The following DGKG variants were observed in gnomAD, a reference collection of about 807,000 sequenced individuals.
DGKG encodes diacylglycerol kinase gamma.
A neutral mutation model predicts 105.3 loss-of-function variants in DGKG; 78 were observed. The ratio of observed to expected loss-of-function variants is 0.74; its 90% confidence interval spans 0.62 to 0.89. The LOEUF (loss-of-function observed/expected upper bound fraction) is 0.89. Ranked by LOEUF, DGKG falls within the 40% of genes least tolerant of loss-of-function variation. DGKG has a pLI of 0.00. For missense variants in DGKG, 958 were observed against 1,020.1 expected (o/e 0.94, Z 0.83); for synonymous variants, 346 against 367.1 (o/e 0.94, Z 0.66).
At chr3:186,207,572 T>A (rs1718807314) in intron 21 of DGKG, 2 of 823,766 alleles carry the variant, frequency 2.4e-6, no homozygotes, top group African/African-American at 1.9e-5. Flanking sequence ...TCAATCCTAA[T>A]AATGGCCTTG....
intron 1 of DGKG, among the ~76,000 whole-genome samples, chr3:186,324,601 T>TGGCC (rs966836836): frequency 6.7e-6 from 1 of 150,262 alleles, no homozygotes; most frequent in African/African-American, 2.4e-5. Flanking sequence ...ACAATACAAG[T>TGGCC]GGCCAACAAA....
chr3:186,299,106 T>C (rs1723742066), intron 3 of DGKG, among the ~76,000 whole-genome samples: 1 of 152,222 alleles, frequency 6.6e-6, no homozygotes, highest in African/African-American at 2.4e-5. Flanking sequence ...CAGTTTGCAG[T>C]GAGTCATCAC....
rs113120255 is a variant in DGKG, at chr3:186,241,510, G to A, written c.1826+994C>T. On this transcript the variant is annotated intron_variant, in intron 20 of 24. Coordinates refer to ENST00000265022, the MANE Select transcript of DGKG (RefSeq NM_001346.3). ...GGAGGTTGCAGTGAGACAAGATCACGCCACTGCACTCTGGCCTGGGTGACA... is the reference window on the plus strand; with the variant it reads ...GGAGGTTGCAGTGAGACAAGATCACACCACTGCACTCTGGCCTGGGTGACA... 5.8e-3 allele frequency among the ~76,000 whole-genome samples: 880 copies of A among 152,066 alleles called. 10 individuals are homozygous for A. The highest frequency in any genetic ancestry group is 0.018 in the African/African-American group (762 of 41,478).
chr3:186,191,181 G>A (rs1049718137), intron 21 of DGKG, among the ~76,000 whole-genome samples: 13 of 152,052 alleles, frequency 8.5e-5, no homozygotes, highest in Admixed American at 2.0e-4. Context: ...ACATTGTGCC[G>A]AGATCAAACA....
chr3:186,269,023 G>A, intron 11 of DGKG, 106 bp from the exon 12 acceptor site: 1 of 743,106 alleles, frequency 1.3e-6, no homozygotes, highest in African/African-American at 1.7e-5. Flanking sequence ...GAGCCAGAGG[G>A]ACTGTTTCCT....
intron 5 of DGKG, among the ~76,000 whole-genome samples, chr3:186,295,495 C>T (rs575064104): frequency 1.5e-5 from 2 of 133,272 alleles, no homozygotes; most frequent in Admixed American, 7.9e-5. Flanking sequence ...AGCGAGACTC[C>T]GTCTCAAAAT....
intron 24 of DGKG, chr3:186,161,197 T>G (rs2108476089): frequency 1.0e-6 from 1 of 1,001,608 alleles, no homozygotes; most frequent in South Asian, 4.2e-5. Flanking sequence ...AGTGTGTAGA[T>G]TTGGCTTCCA....
At chr3:186,196,718 T>C (rs1437786290) in intron 21 of DGKG, among the ~76,000 whole-genome samples, 2 of 152,174 alleles carry the variant, frequency 1.3e-5, no homozygotes, top group East Asian at 3.9e-4. Context: ...GAAAGCAACA[T>C]GGGACATTAG....
chr3:186,333,367 C>A (rs1220591552), intron 1 of DGKG, among the ~76,000 whole-genome samples: 3 of 152,124 alleles, frequency 2.0e-5, no homozygotes, highest in African/African-American at 7.2e-5. Context: ...GGAGCTATTT[C>A]TTTTTCTTAA....
At chr3:186,350,141 C>G (rs879743055) in intron 1 of DGKG, among the ~76,000 whole-genome samples, 5 of 152,108 alleles carry the variant, frequency 3.3e-5, no homozygotes, top group African/African-American at 1.2e-4. Context: ...CCATCTGCAT[C>G]GGCCTCCAAA....
chr3:186,248,474 G>A (rs764782125), intron 19 of DGKG, among the ~76,000 whole-genome samples: 3 of 152,188 alleles, frequency 2.0e-5, no homozygotes, highest in Non-Finnish European at 4.4e-5. Context: ...ATTCTTCTCT[G>A]CTCTAGTAGG....
At chr3:186,285,030 G>C (rs139549896) in intron 6 of DGKG, among the ~76,000 whole-genome samples, 14 of 152,326 alleles carry the variant, frequency 9.2e-5, no homozygotes, top group African/African-American at 3.4e-4. Context: ...GCCCAGCTGG[G>C]GGTGGGGCAG....
Position 186,361,052 on chromosome 3 carries a change from G to A in DGKG, c.-249+894C>T, listed in dbSNP as rs927795518. 6.6e-6 allele frequency among the ~76,000 whole-genome samples: 1 copy of A among 152,188 alleles called. No homozygotes were observed. The highest frequency in any genetic ancestry group is 1.5e-5 in the Non-Finnish European group (1 of 68,024). ...GCGCTGCAGCAGACGCTCCCGCCGC[G>A]GGGGGCGACTGGGGGAGGGGTCTCG... On this transcript the variant is annotated intron_variant, in intron 1 of 24. Coordinates refer to ENST00000265022, the MANE Select transcript of DGKG (RefSeq NM_001346.3). This position sits in a 1 kb window ranked among gnomAD's most constrained non-coding sequence, Gnocchi z 6.8.
At position 186,258,612 on chromosome 3, in the gene DGKG, C is replaced by T. The variant is rs113683227; in HGVS notation, c.1425-673G>A. On this transcript the variant is annotated intron_variant, in intron 16 of 24. Transcript: ENST00000265022. ...GGAACCATACCCATGACTTTGTCAG[C>T]GGTCAAAATCACAGCCATGTTAGTG... Among the ~76,000 whole-genome samples the T allele has an allele frequency of 4.5e-4, 68 of 152,284 alleles. No individual in the cohort carries two copies. The Middle Eastern group carries it at 0.014, about 30-fold the overall frequency.
At chr3:186,324,023 G>A (rs1373157628) in intron 1 of DGKG, among the ~76,000 whole-genome samples, 18 of 148,480 alleles carry the variant, frequency 1.2e-4, no homozygotes, top group East Asian at 5.9e-4. Flanking sequence ...CAGGAGAATC[G>A]CTTGAACCAG....
chr3:186,302,633 T>TCTATAG (rs1724034433), intron 3 of DGKG, among the ~76,000 whole-genome samples: 1 of 149,448 alleles, frequency 6.7e-6, no homozygotes, highest in Admixed American at 6.7e-5. Flanking sequence ...TATATCTATA[T>TCTATAG]CTATATCTAT....
Position 186,335,564 on chromosome 3 carries a change from A to G in DGKG, c.-248-14857T>C, listed in dbSNP as rs113256476. 5.4e-4 allele frequency among the ~76,000 whole-genome samples: 83 copies of G among 152,360 alleles called. 1 individual carries two copies. The highest frequency in any genetic ancestry group is 1.9e-3 in the African/African-American group (79 of 41,582). ...TACTCCATTGGATGGAAACAACAGT[A>G]AGATACTTTTGCCACCTACCAAATT... On this transcript the variant is annotated intron_variant, in intron 1 of 24. Coordinates refer to ENST00000265022, the MANE Select transcript of DGKG (RefSeq NM_001346.3).
At chr3:186,193,581 G>C (rs988224746) in intron 21 of DGKG, among the ~76,000 whole-genome samples, 19 of 152,246 alleles carry the variant, frequency 1.2e-4, no homozygotes, top group African/African-American at 4.6e-4. Context: ...CCATTCTCCA[G>C]AGTTCCTGGC....
At chr3:186,311,943 C>A (rs1303533583) in intron 2 of DGKG, among the ~76,000 whole-genome samples, 3 of 132,152 alleles carry the variant, frequency 2.3e-5, no homozygotes, top group Non-Finnish European at 3.0e-5. Flanking sequence ...GGTGAAACCC[C>A]GTCTCTACTA....
Sources: allele counts gnomAD v4.1 joint callset (sites outside exome capture counted in the v4.1 genomes callset), GRCh38; gene constraint gnomAD v4.1.1; non-coding constraint Gnocchi (gnomAD v3.1); transcripts MANE v1.5; gene names NCBI Gene and HGNC (gene_info 2026-07-23, HGNC 2026-07-21).